TRIO: variants seen among roughly 807,000 people sequenced by gnomAD.
TRIO encodes triple functional domain protein.
Under a neutral mutation model 351.9 loss-of-function variants are expected in TRIO, and 58 were observed. That is an observed-to-expected ratio of 0.16 (90% CI 0.13 to 0.21). TRIO has a LOEUF of 0.21. TRIO is among the 10% of genes least tolerant of loss of function. TRIO has a pLI of 1.00. For missense variants in TRIO, 3,201 were observed against 4,027.8 expected, an observed-to-expected ratio of 0.79 and a Z score of 5.56; for synonymous variants, 1,758 against 1,595.7, an observed-to-expected ratio of 1.10 and a Z score of -2.42.
chr5:14,410,220 C>T (rs1184049955), intron 33 of TRIO, among the ~76,000 whole-genome samples: 1 of 152,138 alleles, frequency 6.6e-6, no homozygotes, highest in South Asian at 2.1e-4. Flanking sequence ...TTGGAGAGGA[C>T]GTACCCATGC....
chr5:14,335,310 G>A (rs1047604734), intron 10 of TRIO, among the ~76,000 whole-genome samples: 10 of 152,078 alleles, frequency 6.6e-5, no homozygotes, highest in African/African-American at 2.2e-4. Context: ...GACCCTCACC[G>A]ATGAGACGCC....
chr5:14,359,472 C>T lies in TRIO; in HGVS notation c.2332C>T (p.Arg778Cys), dbSNP rs778813839. The T allele has an allele frequency of 2.2e-5, 35 of 1,614,158 alleles. No individual in the cohort carries two copies. The highest frequency in any genetic ancestry group is 6.7e-5 in the Admixed American group (4 of 60,012). The change falls in exon 13 of 57, where the codon CGC becomes TGC. Residue 778 changes from arginine (R) to cysteine (C), a missense_variant. Around this residue, in one of 19 missense-constraint regions of TRIO, gnomAD observed 363 missense variants for 553.5 expected, o/e 0.66. Coordinates refer to ENST00000344204, the MANE Select transcript of TRIO (RefSeq NM_007118.4). ...GCAGATGGAGGAGCTCTTCCAGGAG[C>T]GCAAGATCAAGCTGGAGCTCTTCCT... ...QSQMEELFQE[R>C]KIKLELFLQL... is the part of the protein sequence containing the mutation.
chr5:14,345,922 A>G (rs1742374571), intron 11 of TRIO, among the ~76,000 whole-genome samples: 2 of 152,260 alleles, frequency 1.3e-5, no homozygotes, highest in Non-Finnish European at 2.9e-5. Context: ...CATAAACTAA[A>G]TATTTTATTA....
At chr5:14,503,908 G>T (rs189391492) in intron 54 of TRIO, among the ~76,000 whole-genome samples, 1 of 152,340 alleles carries the variant, frequency 6.6e-6, no homozygotes, top group East Asian at 1.9e-4. Context: ...CCAGGAGTGG[G>T]TCATCAGGGG....
intron 10 of TRIO, among the ~76,000 whole-genome samples, chr5:14,334,084 C>T (rs1381088273): frequency 6.6e-6 from 1 of 152,210 alleles, no homozygotes; most frequent in Admixed American, 6.5e-5. Flanking sequence ...ACTTGGTGGA[C>T]AAGTTACTGC....
At chr5:14,296,950 C>A in intron 6 of TRIO, 122 bp from the exon 7 acceptor site, 1 of 701,214 alleles carries the variant, frequency 1.4e-6, no homozygotes, top group Non-Finnish European at 2.3e-6. Flanking sequence ...AGGTGATGCT[C>A]CTGGGAGAGA....
At chr5:14,308,199 TTATGAAACA>T (rs1419121668) in intron 8 of TRIO, among the ~76,000 whole-genome samples, 2 of 152,138 alleles carry the variant, frequency 1.3e-5, no homozygotes, top group Non-Finnish European at 2.9e-5. Context: ...GCAGACAGAC[TTATGAAACA>T]TATGAATGCC....
chr5:14,391,902 T>C (rs989589916), intron 27 of TRIO, among the ~76,000 whole-genome samples: 1 of 152,374 alleles, frequency 6.6e-6, no homozygotes, highest in Non-Finnish European at 1.5e-5. Flanking sequence ...ACATTACACA[T>C]CACTGCCTTT....
At chr5:14,294,926 T>G (rs1348673742) in intron 6 of TRIO, among the ~76,000 whole-genome samples, 2 of 152,156 alleles carry the variant, frequency 1.3e-5, no homozygotes, top group African/African-American at 4.8e-5. Flanking sequence ...CTATTTTTTT[T>G]GGGAGGGGGG....
At chr5:14,253,440 C>G (rs1794855757) in intron 1 of TRIO, among the ~76,000 whole-genome samples, 1 of 152,226 alleles carries the variant, frequency 6.6e-6, no homozygotes, top group Non-Finnish European at 1.5e-5. Flanking sequence ...GCTGCACCCT[C>G]TGCCTCCTGG....
At chr5:14,256,259 A>G (rs986230493) in intron 1 of TRIO, among the ~76,000 whole-genome samples, 6 of 152,132 alleles carry the variant, frequency 3.9e-5, no homozygotes, top group Non-Finnish European at 2.9e-5. Context: ...TTTCACATGA[A>G]CCAAGTGAGA....
At chr5:14,421,914 G>A (rs976064441) in intron 34 of TRIO, among the ~76,000 whole-genome samples, 3 of 152,188 alleles carry the variant, frequency 2.0e-5, no homozygotes, top group Non-Finnish European at 2.9e-5. Flanking sequence ...CCCCTGGGAA[G>A]CAGAGACCCA....
At chr5:14,252,790 G>A (rs1794818017) in intron 1 of TRIO, among the ~76,000 whole-genome samples, 1 of 152,154 alleles carries the variant, frequency 6.6e-6, no homozygotes, top group Non-Finnish European at 1.5e-5. Context: ...CAGGAGAGAG[G>A]GACGAGGTTG....
At chr5:14,293,188 G>C (rs1737055353) in intron 6 of TRIO, 54 bp downstream of exon 6, 1 of 1,610,972 alleles carries the variant, frequency 6.2e-7, no homozygotes, top group Non-Finnish European at 8.5e-7. Flanking sequence ...TTAGCAAATG[G>C]GAGGCATTTG....
At chr5:14,351,832 A>C (rs999229311) in intron 11 of TRIO, among the ~76,000 whole-genome samples, 1 of 152,222 alleles carries the variant, frequency 6.6e-6, no homozygotes, top group African/African-American at 2.4e-5. Flanking sequence ...GAGAGGTTGC[A>C]GCTGGAACAA....
At chr5:14,454,285 A>C (rs1753075336) in intron 34 of TRIO, among the ~76,000 whole-genome samples, 1 of 152,098 alleles carries the variant, frequency 6.6e-6, no homozygotes, top group African/African-American at 2.4e-5. Context: ...CCCCACCCCG[A>C]CACTGCTTTA....
intron 16 of TRIO, 111 bp downstream of exon 16, chr5:14,367,090 A>G (rs1744665235): frequency 6.8e-7 from 1 of 1,475,420 alleles, no homozygotes; most frequent in Admixed American, 2.2e-5. Context: ...TGGCTTGGTA[A>G]AGACGACTCA....
intron 9 of TRIO, among the ~76,000 whole-genome samples, chr5:14,328,123 C>G (rs371726999): frequency 6.6e-6 from 1 of 152,100 alleles, no homozygotes; most frequent in African/African-American, 2.4e-5. Context: ...TAAAACAATG[C>G]GCTCAATCCA....
intron 33 of TRIO, among the ~76,000 whole-genome samples, chr5:14,416,782 G>A (rs758687992): frequency 2.0e-4 from 30 of 148,632 alleles, no homozygotes; most frequent in African/African-American, 2.7e-4. Context: ...GCTTTGAGCC[G>A]TCTGGAAAAT....
Sources: allele counts gnomAD v4.1 joint callset (sites outside exome capture counted in the v4.1 genomes callset), GRCh38; gene constraint gnomAD v4.1.1; regional missense constraint gnomAD v4.1.1; transcripts MANE v1.5; gene names NCBI Gene and HGNC (gene_info 2026-07-23, HGNC 2026-07-21).